KCNU1: variants seen among roughly 807,000 people sequenced by gnomAD.
The protein encoded by KCNU1 is potassium calcium-activated channel subfamily U member 1, also known as potassium channel subfamily U member 1.
Under a neutral mutation model 126.8 loss-of-function variants are expected in KCNU1, and 93 were observed. The ratio of observed to expected loss-of-function variants is 0.73; its 90% confidence interval spans 0.62 to 0.87. The LOEUF is 0.87. Ranked by LOEUF, KCNU1 falls within the 40% of genes least tolerant of loss-of-function variation. The pLI, the probability that KCNU1 is intolerant of heterozygous loss-of-function variation, is 0.00. For synonymous variants in KCNU1, 523 were observed against 494.2 expected (o/e 1.06, Z -0.77); for missense variants, 1,330 against 1,367.1 (o/e 0.97, Z 0.43).
Position 36,905,712 on chromosome 8 carries a change from C to T in KCNU1, c.2014C>T (p.Leu672Phe). The change falls in exon 20 of 27, where the codon CTT (leucine) becomes TTT (phenylalanine). Residue 672 changes from leucine (L) to phenylalanine (F), a missense_variant. Leu to Phe is a conservative substitution (Grantham distance 22). Around this residue, in one of 3 missense-constraint regions of KCNU1, gnomAD observed 1,054 missense variants for 1,053.9 expected, o/e 1.00. Coordinates refer to ENST00000399881, the MANE Select transcript of KCNU1 (RefSeq NM_001031836.3). ...CTCTCCATTCTTCCTATTTAGGACT[C>T]TTCAACATGATGTAGAACAAGATTC... is the stretch of plus-strand genomic sequence containing the variant. ...SSISNFTTRTLQHDVEQDSDQ... is the reference protein window; with the variant it reads ...SSISNFTTRTFQHDVEQDSDQ... 2 of 1,571,200 alleles carry T rather than the reference C, an allele frequency of 1.3e-6. No individual in the cohort carries two copies. The highest frequency in any genetic ancestry group is 2.2e-5 in the East Asian group (1 of 44,586).
At chr8:36,892,596 C>G (rs7017711) in intron 19 of KCNU1, among the ~76,000 whole-genome samples, 2,651 of 150,552 alleles carry the variant, frequency 0.018, 85 homozygotes, top group African/African-American at 0.062. Context: ...GACAACTCTA[C>G]AAACTATTTT....
intron 1 of KCNU1, among the ~76,000 whole-genome samples, chr8:36,785,100 C>T (rs1802667119): frequency 6.6e-6 from 1 of 152,186 alleles, no homozygotes; most frequent in African/African-American, 2.4e-5. Context: ...CACAGAGAAG[C>T]CCATGCATAC....
chr8:36,843,655 G>A (rs1250173068), intron 16 of KCNU1, among the ~76,000 whole-genome samples: 2 of 152,222 alleles, frequency 1.3e-5, no homozygotes, highest in East Asian at 1.9e-4. Flanking sequence ...ATTATTGGTA[G>A]AAGGAAGACT....
chr8:36,801,883 C>CAGATCGCTTG (rs1401809649), intron 2 of KCNU1, among the ~76,000 whole-genome samples: 2 of 151,840 alleles, frequency 1.3e-5, no homozygotes, highest in Non-Finnish European at 2.9e-5. Flanking sequence ...TCAAGGCGGG[C>CAGATCGCTTG]AGATCGCTTG....
chr8:36,936,015 G>A lies in KCNU1; in HGVS notation c.*95G>A. The A allele has an allele frequency of 8.3e-7, 1 of 1,206,338 alleles. No homozygotes were observed. Among genetic ancestry groups the A allele is most frequent in the Non-Finnish European group, 1.1e-6 (1 of 870,010 alleles). The allele number at this position is 1,206,338 out of a possible 1,614,324, so 74.7% of individuals were successfully genotyped here. A position where few individuals can be genotyped will look rare whatever the true frequency, so the allele number is the denominator to read the frequency against. ...ACAAAGAAAATAAGAATGGAAGCAT[G>A]CCATTTTTCTGCCCATTGCTTAGTG... On this transcript the variant is annotated 3_prime_UTR_variant, in exon 27 of 27. Coordinates refer to ENST00000399881, the MANE Select transcript of KCNU1 (RefSeq NM_001031836.3).
chr8:36,843,475 G>C (rs1180074792), intron 16 of KCNU1, among the ~76,000 whole-genome samples: 1 of 152,148 alleles, frequency 6.6e-6, no homozygotes, highest in Non-Finnish European at 1.5e-5. Flanking sequence ...CTGTGAGATA[G>C]GTACTATTAT....
At chr8:36,883,172 A>G (rs1018746568) in intron 19 of KCNU1, among the ~76,000 whole-genome samples, 3 of 152,180 alleles carry the variant, frequency 2.0e-5, no homozygotes, top group Non-Finnish European at 4.4e-5. Context: ...TCCTCTGGAC[A>G]TTTAGCATGA....
intron 18 of KCNU1, among the ~76,000 whole-genome samples, chr8:36,862,341 T>G (rs1198804490): frequency 1.3e-5 from 2 of 152,214 alleles, no homozygotes; most frequent in Non-Finnish European, 1.5e-5. Context: ...TTTGAAGCAA[T>G]ATTGAAACTG....
chr8:36,832,538 T>G (rs112127428), intron 10 of KCNU1, among the ~76,000 whole-genome samples: 1 of 152,168 alleles, frequency 6.6e-6, no homozygotes, highest in African/African-American at 2.4e-5. Context: ...CTGTCTACTT[T>G]TGTTATTTTT....
intron 19 of KCNU1, among the ~76,000 whole-genome samples, chr8:36,893,600 G>A (rs1807064659): frequency 6.6e-6 from 1 of 151,980 alleles, no homozygotes; most frequent in South Asian, 2.1e-4. Context: ...TACTGTTATT[G>A]TAAGGCTTCT....
In KCNU1 at chr8:36,859,539, C is replaced by T. The variant is rs144355663; in HGVS notation, c.1892-4865C>T. ...CGAAAAACATGTTAGCTTTTGGGTT[C>T]TCAGTGTAATCATCTCCAAAGAGGG... On this transcript the variant is annotated intron_variant, in intron 18 of 26. Transcript: ENST00000399881. Among the ~76,000 whole-genome samples the T allele has an allele frequency of 2.9e-3, 447 of 152,228 alleles. 3 individuals carry two copies. Among genetic ancestry groups the T allele is most frequent in the East Asian group, 0.027 (141 of 5,176 alleles).
At chr8:36,787,694 ATGT>A (rs1802759798) in intron 2 of KCNU1, among the ~76,000 whole-genome samples, 1 of 147,102 alleles carries the variant, frequency 6.8e-6, no homozygotes, top group South Asian at 2.1e-4. Context: ...ATCATATGAT[ATGT>A]TGTTAATAAT....
chr8:36,803,708 A>G (rs1396081751), intron 2 of KCNU1, among the ~76,000 whole-genome samples: 1 of 152,210 alleles, frequency 6.6e-6, no homozygotes, highest in Non-Finnish European at 1.5e-5. Flanking sequence ...ATCACAGGAA[A>G]GGACATCTTG....
intron 19 of KCNU1, among the ~76,000 whole-genome samples, chr8:36,900,307 A>G (rs936389123): frequency 3.3e-5 from 5 of 152,154 alleles, no homozygotes; most frequent in Non-Finnish European, 5.9e-5. Flanking sequence ...TTGCTTATAC[A>G]CAGGTTTCTG....
intron 22 of KCNU1, among the ~76,000 whole-genome samples, chr8:36,913,551 T>C (rs539581844): frequency 6.6e-6 from 1 of 152,088 alleles, no homozygotes; most frequent in African/African-American, 2.4e-5. Context: ...ACACACCTAA[T>C]GAAGGCATCA....
At chr8:36,797,704 TC>T (rs1397376974) in intron 2 of KCNU1, among the ~76,000 whole-genome samples, 1 of 152,106 alleles carries the variant, frequency 6.6e-6, no homozygotes, top group Non-Finnish European at 1.5e-5. Context: ...ACTTTCTGAA[TC>T]TTTGAGTGTC....
Position 36,935,989 on chromosome 8 carries a change from A to C in KCNU1, c.*69A>C, listed in dbSNP as rs1808846502. 1 of 1,368,954 alleles carries C rather than the reference A, an allele frequency of 7.3e-7. No individual in the cohort carries two copies. The highest frequency in any genetic ancestry group is 2.4e-5 in the Admixed American group (1 of 42,468). 84.8% of individuals were successfully genotyped at this position (1,368,954 alleles called of 1,614,324 possible). ...ATCATCTCCTGAGATGCTAACTTTG[A>C]ACAAAGAAAATAAGAATGGAAGCAT... On this transcript the variant is annotated 3_prime_UTR_variant, in exon 27 of 27. Transcript: ENST00000399881.
At chr8:36,887,655 C>T (rs1806768937) in intron 19 of KCNU1, among the ~76,000 whole-genome samples, 1 of 152,026 alleles carries the variant, frequency 6.6e-6, no homozygotes, top group African/African-American at 2.4e-5. Flanking sequence ...GTAGTTATGG[C>T]TGGTAGAACA....
chr8:36,808,711 C>G lies in KCNU1; in HGVS notation c.657-7C>G. 6.3e-7 allele frequency: 1 copy of G among 1,588,862 alleles called. No homozygotes were observed. Among genetic ancestry groups the G allele is most frequent in the South Asian group, 1.1e-5 (1 of 89,298 alleles). ...GACCCAACAGCTCTTTGTCTCTCTT[C>G]CTCTAGTAACTCAGTGAAGTTTTCC... On this transcript the variant is annotated splice_region_variant and splice_polypyrimidine_tract_variant and intron_variant, in intron 6 of 26. Transcript: ENST00000399881.
Sources: gnomAD v4.1 joint callset for allele counts (sites outside exome capture counted in the v4.1 genomes callset) on GRCh38, gnomAD v4.1.1 for gene constraint, gnomAD v4.1.1 regional missense constraint, MANE v1.5 for transcripts, NCBI Gene and HGNC (gene_info 2026-07-23, HGNC 2026-07-21) for gene names.